Variants in USP34 observed in about 807,000 individuals in gnomAD.
USP34 encodes the protein ubiquitin carboxyl-terminal hydrolase 34.
A neutral mutation model predicts 460.3 loss-of-function variants in USP34; 70 were observed. The observed-to-expected ratio is 0.15, with a 90% CI of 0.13 to 0.19. The LOEUF is 0.19. USP34 is among the 10% of genes least tolerant of loss of function. The probability of loss-of-function intolerance (pLI) is 1.00; values close to 1 mark genes in which losing one functional copy is unlikely to be tolerated. For synonymous variants in USP34, 1,647 were observed against 1,405.3 expected (o/e 1.17, Z -3.85); for missense variants, 3,985 against 4,236.2 (o/e 0.94, Z 1.65).
intron 1 of USP34, among the ~76,000 whole-genome samples, chr2:61,461,395 A>G (rs1695596162): frequency 6.6e-6 from 1 of 152,122 alleles, no homozygotes; most frequent in Admixed American, 6.6e-5. Flanking sequence ...TTCCGCCTCA[A>G]AAAAATAAAA....
In USP34 at chr2:61,248,700, A is replaced by C. The variant is rs1425218335; in HGVS notation, c.6222-17T>G. The C allele has an allele frequency of 6.5e-7, 1 of 1,533,968 alleles. No individual in the cohort carries two copies. The highest frequency in any genetic ancestry group is 1.4e-5 in the African/African-American group (1 of 71,998). ...AAACATGCCCTGAGAGACAAGAAAA[A>C]AATTAATAAAGATTATTTTTTACAA... On this transcript the variant is annotated splice_polypyrimidine_tract_variant and intron_variant, in intron 48 of 79. Transcript: ENST00000398571.
At chr2:61,297,389 C>A (rs1438280626) in intron 29 of USP34, among the ~76,000 whole-genome samples, 2 of 152,166 alleles carry the variant, frequency 1.3e-5, no homozygotes, top group African/African-American at 2.4e-5. Flanking sequence ...GATGAACAGA[C>A]GTTAAGAAGA....
intron 1 of USP34, among the ~76,000 whole-genome samples, chr2:61,430,165 A>G (rs1034880501): frequency 9.9e-5 from 15 of 151,494 alleles, no homozygotes; most frequent in African/African-American, 3.6e-4. Flanking sequence ...CAGTGAGCCA[A>G]GATCGTGCCA....
At chr2:61,287,154 AT>A (rs891387753) in intron 34 of USP34, among the ~76,000 whole-genome samples, 2 of 152,188 alleles carry the variant, frequency 1.3e-5, no homozygotes, top group African/African-American at 4.8e-5. Flanking sequence ...CATTTTTCCC[AT>A]TTAACCCCCA....
At chr2:61,307,303 C>T (rs113169346) in intron 27 of USP34, among the ~76,000 whole-genome samples, 6 of 108,870 alleles carry the variant, frequency 5.5e-5, no homozygotes, top group East Asian at 2.6e-4. Flanking sequence ...CATCACACAC[C>T]GGGGCCTGTC....
intron 3 of USP34, 105 bp downstream of exon 3, chr2:61,405,603 T>G: frequency 9.3e-7 from 1 of 1,080,840 alleles, no homozygotes; most frequent in Non-Finnish European, 1.3e-6. Context: ...GTGACAATAA[T>G]GATTTTCCGC....
intron 23 of USP34, among the ~76,000 whole-genome samples, chr2:61,315,212 G>A (rs564004148): frequency 6.6e-6 from 1 of 152,108 alleles, no homozygotes; most frequent in Non-Finnish European, 1.5e-5. Context: ...TGACTACATA[G>A]TACGAAAATT....
chr2:61,429,560 G>A (rs1002920606), intron 1 of USP34, among the ~76,000 whole-genome samples: 1 of 152,108 alleles, frequency 6.6e-6, no homozygotes, highest in Non-Finnish European at 1.5e-5. Context: ...ACAGGCAGTC[G>A]AGGTTGCAGT....
intron 51 of USP34, among the ~76,000 whole-genome samples, chr2:61,242,114 GA>G (rs1688280461): frequency 6.6e-6 from 1 of 152,072 alleles, no homozygotes; most frequent in South Asian, 2.1e-4. Context: ...AGTGAGGCAA[GA>G]AAGTAGTTGG....
intron 1 of USP34, among the ~76,000 whole-genome samples, chr2:61,462,388 A>G (rs1415305191): frequency 6.6e-6 from 1 of 151,828 alleles, no homozygotes. Flanking sequence ...ATTCCTACAA[A>G]AAACACAAAT....
intron 27 of USP34, among the ~76,000 whole-genome samples, chr2:61,303,964 C>G (rs568969494): frequency 6.6e-6 from 1 of 152,142 alleles, no homozygotes; most frequent in Non-Finnish European, 1.5e-5. Flanking sequence ...ATGGCATGAT[C>G]TCGGCTCACT....
intron 2 of USP34, among the ~76,000 whole-genome samples, chr2:61,410,919 C>A (rs1041563058): frequency 2.0e-5 from 3 of 152,080 alleles, no homozygotes; most frequent in Non-Finnish European, 4.4e-5. Flanking sequence ...TCTCTAAAGG[C>A]AGGGATGAAG....
At chr2:61,287,281 C>T (rs1572901970) in intron 34 of USP34, among the ~76,000 whole-genome samples, 1 of 152,132 alleles carries the variant, frequency 6.6e-6, no homozygotes, top group South Asian at 2.1e-4. Flanking sequence ...TGGGTAGACA[C>T]GAGGTGAGGT....
intron 10 of USP34, among the ~76,000 whole-genome samples, chr2:61,358,179 G>A (rs182699327): frequency 1.5e-5 from 2 of 135,640 alleles, no homozygotes; most frequent in East Asian, 5.5e-4. Flanking sequence ...GCAAGACAGA[G>A]CGAGATTCCA....
chr2:61,220,348 C>A lies in USP34; in HGVS notation c.8009G>T (p.Arg2670Leu). 6.2e-7 allele frequency: 1 copy of A among 1,613,700 alleles called. No individual in the cohort carries two copies. Among genetic ancestry groups the A allele is most frequent in the Non-Finnish European group, 8.5e-7 (1 of 1,179,862 alleles). Reference protein sequence around the residue: ...VLQNMENWVERFLLAHNYPRV... With the variant: ...VLQNMENWVELFLLAHNYPRV... Reference sequence around the variant, plus strand: ...AGGATAATTGTGAGCCAAAAGAAACCGCTCGACCCAGTTTTCCATATTCTG... The same window carrying A: ...AGGATAATTGTGAGCCAAAAGAAACAGCTCGACCCAGTTTTCCATATTCTG... The change falls in exon 67 of 80, where the codon CGG (arginine) becomes CTG (leucine). Residue 2670 changes from arginine (R) to leucine (L), a missense_variant. Physicochemically the swap from Arg to Leu is moderately radical, Grantham distance 102. This residue lies in a region of USP34 where 604 missense variants were observed against 684.8 expected (regional missense o/e 0.88). Coordinates refer to ENST00000398571, the MANE Select transcript of USP34 (RefSeq NM_014709.4).
At chr2:61,360,877 G>T (rs184364328) in intron 10 of USP34, among the ~76,000 whole-genome samples, 1 of 152,250 alleles carries the variant, frequency 6.6e-6, no homozygotes, top group African/African-American at 2.4e-5. Flanking sequence ...GGCTAGTCTC[G>T]AACTTCTGAG....
intron 10 of USP34, among the ~76,000 whole-genome samples, chr2:61,363,807 AT>A (rs1163609833): frequency 1.3e-5 from 2 of 152,082 alleles, no homozygotes. Context: ...AACAACCCAA[AT>A]GTCCACTGAT....
At position 61,349,297 on chromosome 2, in the gene USP34, G is replaced by C. The variant is rs779374035; in HGVS notation, c.1508-12C>G. 1 of 1,611,706 alleles carries C rather than the reference G, an allele frequency of 6.2e-7. No individual in the cohort carries two copies. The highest frequency in any genetic ancestry group is 8.5e-7 in the Non-Finnish European group (1 of 1,179,144). On this transcript the variant is annotated splice_polypyrimidine_tract_variant and intron_variant, in intron 12 of 79. Coordinates refer to ENST00000398571, the MANE Select transcript of USP34 (RefSeq NM_014709.4). Reference sequence around the variant, plus strand: ...AAGCTCTTCTTCCTCTGAAGGAAAAGGAAAAAACAGGAGAAAAACATTCTA... The same window carrying C: ...AAGCTCTTCTTCCTCTGAAGGAAAACGAAAAAACAGGAGAAAAACATTCTA...
chr2:61,267,715 G>A (rs1572886339), intron 41 of USP34, among the ~76,000 whole-genome samples: 1 of 152,258 alleles, frequency 6.6e-6, no homozygotes, highest in Admixed American at 6.5e-5. Context: ...CCGGGTTCAT[G>A]CCATTCTCCT....
Sources: allele counts gnomAD v4.1 joint callset (sites outside exome capture counted in the v4.1 genomes callset), GRCh38; gene constraint gnomAD v4.1.1; regional missense constraint gnomAD v4.1.1; transcripts MANE v1.5; gene names NCBI Gene and HGNC (gene_info 2026-07-23, HGNC 2026-07-21).